IQCK: variants seen among roughly 807,000 people sequenced by gnomAD.
The protein encoded by IQCK is IQ domain-containing protein K.
In IQCK, 29 loss-of-function variants were observed where a neutral mutation model predicts 28.1. The ratio of observed to expected loss-of-function variants is 1.03; its 90% CI spans 0.77 to 1.41. IQCK has a LOEUF of 1.41. Among genes scored for constraint, IQCK ranks in the 40% most tolerant of loss-of-function variants. The probability of loss-of-function intolerance (pLI) is 0.00; values close to 1 mark genes in which losing one functional copy is unlikely to be tolerated. For synonymous variants in IQCK, 113 were observed against 115.1 expected (o/e 0.98, Z 0.12); for missense variants, 359 against 314.7 (o/e 1.14, Z -1.07).
intron 4 of IQCK, among the ~76,000 whole-genome samples, chr16:19,749,693 G>A (rs898290898): frequency 6.6e-6 from 1 of 152,062 alleles, no homozygotes; most frequent in African/African-American, 2.4e-5. Flanking sequence ...TTGAGCTTGG[G>A]AGGTCGAGGC....
chr16:19,847,274 T>A (rs1047282164), intron 9 of IQCK, among the ~76,000 whole-genome samples: 6 of 152,236 alleles, frequency 3.9e-5, no homozygotes, highest in African/African-American at 1.4e-4. Context: ...AGGATCTGAC[T>A]AAAAAGGTGG....
chr16:19,832,604 C>T (rs1002029345), intron 9 of IQCK, among the ~76,000 whole-genome samples: 1 of 152,082 alleles, frequency 6.6e-6, no homozygotes, highest in Non-Finnish European at 1.5e-5. Context: ...CCTAGGCTGA[C>T]AAATACAAAT....
chr16:19,818,467 A>G (rs901722116), intron 7 of IQCK, among the ~76,000 whole-genome samples: 2 of 152,148 alleles, frequency 1.3e-5, no homozygotes, highest in Admixed American at 1.3e-4. Flanking sequence ...ATCTTGGCTC[A>G]CTGCAACCTC....
chr16:19,807,855 T>C (rs1218810434), intron 7 of IQCK, among the ~76,000 whole-genome samples: 1 of 152,228 alleles, frequency 6.6e-6, no homozygotes, highest in Non-Finnish European at 1.5e-5. Flanking sequence ...GGTTAAGGGC[T>C]CATAAGTATT....
At chr16:19,805,670 T>G (rs965731550) in intron 7 of IQCK, among the ~76,000 whole-genome samples, 1 of 152,150 alleles carries the variant, frequency 6.6e-6, no homozygotes, top group African/African-American at 2.4e-5. Context: ...CAATATACAT[T>G]TACATCTTAT....
chr16:19,820,451 C>T (rs149491536), intron 7 of IQCK, among the ~76,000 whole-genome samples: 3,874 of 152,146 alleles, frequency 0.025, 132 homozygotes, highest in African/African-American at 0.088. Context: ...AGATCAAGAC[C>T]ATCCTGGCTA....
intron 6 of IQCK, among the ~76,000 whole-genome samples, chr16:19,767,117 G>A (rs936370393): frequency 3.3e-5 from 5 of 152,192 alleles, no homozygotes; most frequent in African/African-American, 4.8e-5. Context: ...CAAACCTCTA[G>A]GGGAGCATAC....
At chr16:19,857,718 T>C (rs1219435122) in exon 10 of IQCK, 2 of 181,376 alleles carry the variant, frequency 1.1e-5, no homozygotes, top group African/African-American at 2.5e-5. Flanking sequence ...TTCACCCTTG[T>C]TCAGTGGGTC....
intron 7 of IQCK, among the ~76,000 whole-genome samples, chr16:19,820,857 G>T (rs2056062950): frequency 6.6e-6 from 1 of 152,104 alleles, no homozygotes; most frequent in African/African-American, 2.4e-5. Flanking sequence ...GTTTAAAAGG[G>T]CAAAGGGAAG....
intron 9 of IQCK, among the ~76,000 whole-genome samples, chr16:19,840,217 G>C (rs867891569): frequency 6.6e-6 from 1 of 152,072 alleles, no homozygotes; most frequent in Non-Finnish European, 1.5e-5. Context: ...TTAGCTAGGT[G>C]TGGTGGCAGG....
chr16:19,730,003 T>A (rs969174436), intron 1 of IQCK, among the ~76,000 whole-genome samples: 7 of 151,850 alleles, frequency 4.6e-5, no homozygotes, highest in Non-Finnish European at 7.4e-5. Flanking sequence ...TCAGGCTGGC[T>A]GGAGTGCAGT....
intron 7 of IQCK, among the ~76,000 whole-genome samples, chr16:19,803,182 A>G (rs1294670814): frequency 6.6e-6 from 1 of 152,014 alleles, no homozygotes; most frequent in Non-Finnish European, 1.5e-5. Context: ...TCACTCTGTC[A>G]CCCAGGCTGG....
At chr16:19,760,372 T>G (rs1170530130) in intron 4 of IQCK, among the ~76,000 whole-genome samples, 2 of 152,168 alleles carry the variant, frequency 1.3e-5, no homozygotes, top group African/African-American at 4.8e-5. Flanking sequence ...ACCCAGGATC[T>G]AGTAGAGTAT....
At chr16:19,718,981 T>C (rs1977374667) in intron 1 of IQCK, among the ~76,000 whole-genome samples, 1 of 152,262 alleles carries the variant, frequency 6.6e-6, no homozygotes, top group African/African-American at 2.4e-5. Flanking sequence ...ACAAACGGGT[T>C]TTAGTCCCTT....
intron 9 of IQCK, among the ~76,000 whole-genome samples, chr16:19,852,150 A>G (rs2056491101): frequency 6.6e-6 from 1 of 152,068 alleles, no homozygotes; most frequent in East Asian, 1.9e-4. Context: ...CCTCCTCAAA[A>G]CAGCTAAATC....
intron 4 of IQCK, chr16:19,762,053 G>A (rs1375313879): frequency 3.3e-5 from 5 of 152,540 alleles, no homozygotes; most frequent in African/African-American, 4.8e-5. Context: ...GGAAGAAGGG[G>A]CAGCAGAAAT....
rs569502259 is a variant in IQCK at position 19,740,476 on chromosome 16, C to T, written c.474+5026C>T. ...CACACCATTGTCAGATGGCTTTGTC[C>T]CTCTGCCTTCTGTTCTGCTGCTAAG... On this transcript the variant is annotated intron_variant, in intron 4 of 7. Transcript: ENST00000564186. Among the ~76,000 whole-genome samples, 6 of 152,238 alleles carry T rather than the reference C, an allele frequency of 3.9e-5. No individual in the cohort carries two copies. In the South Asian group the frequency reaches 1.2e-3, roughly 32 times the overall value.
intron 2 of IQCK, 150 bp from the exon 3 acceptor site, chr16:19,733,548 G>T: frequency 1.2e-6 from 1 of 811,048 alleles, no homozygotes; most frequent in Non-Finnish European, 1.9e-6. Context: ...GGTGTCTCAG[G>T]AGGGAAGGGA....
At chr16:19,762,737 G>A (rs772977359) in intron 4 of IQCK, among the ~76,000 whole-genome samples, 3 of 152,090 alleles carry the variant, frequency 2.0e-5, no homozygotes, top group South Asian at 2.1e-4. Context: ...AACTTTGGCC[G>A]GGCACAGTGG....
Sources: gnomAD v4.1 joint callset for allele counts (sites outside exome capture counted in the v4.1 genomes callset) on GRCh38, gnomAD v4.1.1 for gene constraint, MANE v1.5 for transcripts, NCBI Gene and HGNC (gene_info 2026-07-23, HGNC 2026-07-21) for gene names.